Variants in PTPRG observed in about 807,000 individuals in gnomAD.
PTPRG encodes the protein protein tyrosine phosphatase receptor type G, also known as receptor-type tyrosine-protein phosphatase gamma.
A neutral mutation model predicts 165.3 loss-of-function variants in PTPRG; 102 were observed. That is an observed-to-expected ratio of 0.62 (90% confidence interval 0.53 to 0.73). PTPRG has a LOEUF of 0.73. PTPRG is among the 30% of genes least tolerant of loss of function. The pLI, the probability that PTPRG is intolerant of heterozygous loss-of-function variation, is 0.00. For synonymous variants in PTPRG, 675 were observed against 669.5 expected (o/e 1.01, Z -0.13); for missense variants, 1,866 against 1,861.4 (o/e 1.00, Z -0.05).
chr3:61,794,871 G>A (rs2034998305), intron 2 of PTPRG, among the ~76,000 whole-genome samples: 1 of 151,974 alleles, frequency 6.6e-6, no homozygotes, highest in Non-Finnish European at 1.5e-5. Flanking sequence ...ATAACTTCTG[G>A]TTCATATTAT....
At chr3:61,643,569 A>G (rs143579750) in intron 1 of PTPRG, among the ~76,000 whole-genome samples, 106 of 152,286 alleles carry the variant, frequency 7.0e-4, no homozygotes, top group Middle Eastern at 3.4e-3. Context: ...ACTTGAGGTC[A>G]GGAGTTCGAG....
chr3:61,601,875 A>C (rs1024091374), intron 1 of PTPRG, among the ~76,000 whole-genome samples: 1 of 152,224 alleles, frequency 6.6e-6, no homozygotes, highest in Non-Finnish European at 1.5e-5. Flanking sequence ...TTGAGCAGAA[A>C]TGTGAAGGAG....
intron 28 of PTPRG, among the ~76,000 whole-genome samples, chr3:62,289,858 A>G (rs1238933030): frequency 2.0e-5 from 3 of 152,170 alleles, no homozygotes; most frequent in African/African-American, 4.8e-5. Flanking sequence ...TTTCAGTTCT[A>G]GCACGTAAGC....
At chr3:61,902,905 C>T (rs544076171) in intron 2 of PTPRG, among the ~76,000 whole-genome samples, 1 of 152,220 alleles carries the variant, frequency 6.6e-6, no homozygotes, top group South Asian at 2.1e-4. Flanking sequence ...AGGGACCTGC[C>T]ATCTTGGTAA....
intron 5 of PTPRG, among the ~76,000 whole-genome samples, chr3:62,111,212 A>G (rs966244073): frequency 6.6e-6 from 1 of 152,234 alleles, no homozygotes; most frequent in Non-Finnish European, 1.5e-5. Flanking sequence ...AAGTTAAGTC[A>G]AATCAACAGG....
intron 1 of PTPRG, among the ~76,000 whole-genome samples, chr3:61,747,620 GTACTC>G (rs1313955506): frequency 1.4e-5 from 2 of 139,816 alleles, no homozygotes; most frequent in African/African-American, 5.2e-5. Flanking sequence ...TAAGCATAAA[GTACTC>G]TACAGGTTTC....
chr3:61,595,836 ACTT>A, intron 1 of PTPRG, among the ~76,000 whole-genome samples: 1 of 152,160 alleles, frequency 6.6e-6, no homozygotes, highest in Admixed American at 6.6e-5. Flanking sequence ...TTCTTTTTAT[ACTT>A]CTGTTTCTCT....
chr3:61,831,790 G>A (rs999586841), intron 2 of PTPRG, among the ~76,000 whole-genome samples: 4 of 152,026 alleles, frequency 2.6e-5, no homozygotes, highest in Admixed American at 1.3e-4. Flanking sequence ...TTTCTCCATT[G>A]CAAAAAGGAA....
At chr3:62,071,767 C>A (rs189070353) in intron 4 of PTPRG, among the ~76,000 whole-genome samples, 1 of 152,166 alleles carries the variant, frequency 6.6e-6, no homozygotes, top group Non-Finnish European at 1.5e-5. Flanking sequence ...ACCCCACTTT[C>A]CTTCCTTAGG....
At chr3:61,903,110 C>G (rs2038539877) in intron 2 of PTPRG, among the ~76,000 whole-genome samples, 1 of 152,154 alleles carries the variant, frequency 6.6e-6, no homozygotes, top group Non-Finnish European at 1.5e-5. Flanking sequence ...TACCTTGCCT[C>G]AAACAAACCA....
intron 1 of PTPRG, among the ~76,000 whole-genome samples, chr3:61,568,659 C>G (rs1699983419): frequency 6.6e-6 from 1 of 151,960 alleles, no homozygotes; most frequent in South Asian, 2.1e-4. Flanking sequence ...CCTGTAATTC[C>G]AGCATTTTGG....
chr3:61,731,127 A>G (rs766628653), intron 1 of PTPRG, among the ~76,000 whole-genome samples: 3 of 152,182 alleles, frequency 2.0e-5, no homozygotes, highest in African/African-American at 7.2e-5. Flanking sequence ...GAATAGACCA[A>G]GGAACGATTT....
intron 28 of PTPRG, 48 bp from the exon 29 acceptor site, chr3:62,292,373 T>C (rs1321760906): frequency 6.4e-7 from 1 of 1,566,714 alleles, no homozygotes; most frequent in African/African-American, 1.4e-5. Context: ...TCAATATATT[T>C]GGTCCCTTTG....
chr3:62,184,007 G>C (rs1400807236), intron 8 of PTPRG, among the ~76,000 whole-genome samples: 1 of 152,188 alleles, frequency 6.6e-6, no homozygotes, highest in African/African-American at 2.4e-5. Context: ...GTCAACTCTG[G>C]TTCAGACTCA....
At chr3:62,206,316 A>G (rs570388519) in intron 12 of PTPRG, among the ~76,000 whole-genome samples, 1 of 152,174 alleles carries the variant, frequency 6.6e-6, no homozygotes, top group Admixed American at 6.5e-5. Context: ...TCCACCCTAC[A>G]GAAATCTGAG....
At chr3:61,569,643 A>T (rs1700008925) in intron 1 of PTPRG, among the ~76,000 whole-genome samples, 1 of 152,114 alleles carries the variant, frequency 6.6e-6, no homozygotes, top group Non-Finnish European at 1.5e-5. Context: ...TTCTTAAGAG[A>T]TTTGGATAGG....
At chr3:61,620,996 CA>C (rs1455474244) in intron 1 of PTPRG, among the ~76,000 whole-genome samples, 3 of 131,354 alleles carry the variant, frequency 2.3e-5, no homozygotes, top group Non-Finnish European at 3.3e-5. Flanking sequence ...GCCTTATCAG[CA>C]AAAAAAAATT....
Position 62,272,912 on chromosome 3 carries a change from A to G in PTPRG, c.3183-34A>G, listed in dbSNP as rs748271092. 3.2e-6 allele frequency: 5 copies of G among 1,541,438 alleles called. No homozygotes were observed. In the African/African-American group the frequency reaches 7.0e-5, roughly 22 times the overall value. ...TCCAAAGTTAACAGTATGATAAAAC[A>G]AAAGTGCCAGTTGAGTGTCTTCATT... On this transcript the variant is annotated intron_variant, in intron 21 of 29. Coordinates refer to ENST00000474889, the MANE Select transcript of PTPRG (RefSeq NM_002841.4).
chr3:61,975,158 C>T (rs1246938142), intron 2 of PTPRG, among the ~76,000 whole-genome samples: 2 of 152,072 alleles, frequency 1.3e-5, no homozygotes, highest in Non-Finnish European at 1.5e-5. Flanking sequence ...TTGTCAGTGG[C>T]CTATAAATGT....
Sources: allele counts gnomAD v4.1 joint callset (sites outside exome capture counted in the v4.1 genomes callset), GRCh38; gene constraint gnomAD v4.1.1; transcripts MANE v1.5; gene names NCBI Gene and HGNC (gene_info 2026-07-23, HGNC 2026-07-21).